Variants in CADPS2 observed in about 807,000 individuals in gnomAD.
CADPS2 encodes calcium dependent secretion activator 2.
A neutral mutation model predicts 172.5 loss-of-function variants in CADPS2; 93 were observed. The observed-to-expected ratio is 0.54, with a 90% CI of 0.46 to 0.64. The LOEUF is 0.64. Among genes scored for constraint, CADPS2 ranks in the 30% least tolerant of loss-of-function variants. The pLI is 0.00. For synonymous variants in CADPS2, 546 were observed against 555.2 expected, an observed-to-expected ratio of 0.98 and a Z score of 0.23; for missense variants, 1,420 against 1,565.9, an observed-to-expected ratio of 0.91 and a Z score of 1.57.
In CADPS2 at chr7:122,816,044, G is replaced by C. The variant is rs989109081; in HGVS notation, c.339+69955C>G. The stretch of plus-strand genomic sequence containing the variant: ...GGAATATTCCAATTCCACTGTTTTA[G>C]TTATGTTGAAATATACAATAAATTA... On this transcript the variant is annotated intron_variant, in intron 1 of 29. Transcript: ENST00000449022. Among the ~76,000 whole-genome samples the C allele has an allele frequency of 3.3e-5, 5 of 152,012 alleles. No individual in the cohort carries two copies. The South Asian group carries it at 6.2e-4, about 19-fold the overall frequency.
At chr7:122,707,332 T>C (rs2087739065) in intron 2 of CADPS2, among the ~76,000 whole-genome samples, 1 of 151,926 alleles carries the variant, frequency 6.6e-6, no homozygotes, top group Admixed American at 6.6e-5. Context: ...CAGGCGCCAA[T>C]TAAATTTTTT....
At chr7:122,513,699 C>T (rs1313520201) in intron 8 of CADPS2, among the ~76,000 whole-genome samples, 4 of 152,148 alleles carry the variant, frequency 2.6e-5, no homozygotes, top group Non-Finnish European at 5.9e-5. Flanking sequence ...CTGAGTAGTG[C>T]GCCCTGAGGA....
chr7:122,369,141 CCTTT>C (rs2041401953), intron 25 of CADPS2, among the ~76,000 whole-genome samples: 3 of 72,736 alleles, frequency 4.1e-5, no homozygotes, highest in Admixed American at 1.8e-4. Context: ...CCCCCCCCCC[CCTTT>C]TTTTTTTTTT....
chr7:122,396,366 C>T (rs938351619), intron 20 of CADPS2, among the ~76,000 whole-genome samples: 7 of 152,182 alleles, frequency 4.6e-5, no homozygotes, highest in African/African-American at 1.7e-4. Flanking sequence ...GCCCTCTCAT[C>T]TCCTGTCTTG....
At chr7:122,845,990 A>G (rs1811889991) in intron 1 of CADPS2, among the ~76,000 whole-genome samples, 1 of 152,218 alleles carries the variant, frequency 6.6e-6, no homozygotes, top group Non-Finnish European at 1.5e-5. Flanking sequence ...AGGAAAACTG[A>G]AGCATCTATG....
chr7:122,527,617 A>AGAGAGAGAGAGAGTGTGT, intron 8 of CADPS2, among the ~76,000 whole-genome samples: 947 of 83,764 alleles, frequency 0.011, 21 homozygotes, highest in Non-Finnish European at 0.019. Context: ...AGAGAGAGAG[A>AGAGAGAGAGAGAGTGTGT]GTGTGTGTGT....
At chr7:122,764,395 T>C (rs901945845) in intron 1 of CADPS2, among the ~76,000 whole-genome samples, 16 of 152,166 alleles carry the variant, frequency 1.1e-4, no homozygotes, top group Non-Finnish European at 2.2e-4. Flanking sequence ...ATCTGACAAA[T>C]AGATTTGTTC....
At chr7:122,869,392 G>A (rs1374958618) in intron 1 of CADPS2, among the ~76,000 whole-genome samples, 2 of 151,970 alleles carry the variant, frequency 1.3e-5, no homozygotes, top group African/African-American at 4.8e-5. Context: ...TTTTCCAAGA[G>A]AAACCCTGAA....
At chr7:122,653,876 TTCC>T (rs2079448698) in intron 3 of CADPS2, among the ~76,000 whole-genome samples, 1 of 152,138 alleles carries the variant, frequency 6.6e-6, no homozygotes, top group Admixed American at 6.6e-5. Context: ...GACCAGCCAC[TTCC>T]TCATTTCTTT....
At chr7:122,838,864 T>C (rs983411636) in intron 1 of CADPS2, among the ~76,000 whole-genome samples, 13 of 152,200 alleles carry the variant, frequency 8.5e-5, no homozygotes, top group Non-Finnish European at 2.9e-5. Flanking sequence ...CAAGGTAATT[T>C]ATAGATTCAA....
intron 3 of CADPS2, among the ~76,000 whole-genome samples, chr7:122,631,639 A>G (rs767420276): frequency 3.0e-4 from 45 of 152,270 alleles, no homozygotes; most frequent in Non-Finnish European, 4.0e-4. Flanking sequence ...AGTAAGCAAC[A>G]AAACAAAACA....
intron 8 of CADPS2, among the ~76,000 whole-genome samples, chr7:122,541,687 T>TTA (rs2062997630): frequency 6.8e-6 from 1 of 146,150 alleles, no homozygotes; most frequent in East Asian, 2.0e-4. Context: ...ATATATTTAT[T>TTA]CATATATGTT....
chr7:122,489,933 G>C lies in CADPS2; in HGVS notation c.1852+148C>G, dbSNP rs78925489. The C allele has an allele frequency of 0.01, 6,733 of 659,436 alleles. 283 individuals carry two copies. In the African/African-American group the frequency reaches 0.11, roughly 11 times the overall value. The allele number at this position is 659,436 out of a possible 1,614,324, so 40.8% of individuals were successfully genotyped here. ...CAGATTTATGTGAAAAATTAGATAA[G>C]TGATTATGTGACTACTAATATGAAC... On this transcript the variant is annotated intron_variant, in intron 11 of 29. Transcript: ENST00000449022.
chr7:122,383,508 T>C (rs1345194836), intron 24 of CADPS2, among the ~76,000 whole-genome samples: 2 of 152,040 alleles, frequency 1.3e-5, no homozygotes, highest in Non-Finnish European at 2.9e-5. Context: ...TCTTAGATTC[T>C]AGGGCTTTGT....
In CADPS2 at chr7:122,673,254, G is replaced by A. The variant is rs183926041; in HGVS notation, c.454-9685C>T. Among the ~76,000 whole-genome samples the A allele has an allele frequency of 3.9e-5, 6 of 152,338 alleles. No homozygotes were observed. The East Asian group carries it at 1.2e-3, about 29-fold the overall frequency. ...GGGAATGGGACCCCAGCCGGTTGCC[G>A]CAGCTGGCTCTGGCAGCCTGCTTTT... On this transcript the variant is annotated intron_variant, in intron 2 of 29. Transcript: ENST00000449022.
intron 15 of CADPS2, among the ~76,000 whole-genome samples, chr7:122,443,649 C>CT (rs756070436): frequency 0.017 from 855 of 49,732 alleles, 8 homozygotes; most frequent in Admixed American, 0.044. Flanking sequence ...CTTCTTTTAT[C>CT]TTTTTTTTTT....
intron 27 of CADPS2, among the ~76,000 whole-genome samples, chr7:122,350,674 G>A (rs2038410325): frequency 6.6e-6 from 1 of 152,112 alleles, no homozygotes; most frequent in African/African-American, 2.4e-5. Context: ...TAATAAATAT[G>A]ATGGGAAGAG....
chr7:122,379,799 A>G (rs912317965), intron 24 of CADPS2, among the ~76,000 whole-genome samples: 19 of 152,146 alleles, frequency 1.2e-4, no homozygotes, highest in Admixed American at 5.2e-4. Context: ...TGGAGAAGCA[A>G]AAAGACTAGA....
At chr7:122,866,886 A>C (rs2141398669) in intron 1 of CADPS2, among the ~76,000 whole-genome samples, 1 of 152,274 alleles carries the variant, frequency 6.6e-6, no homozygotes, top group South Asian at 2.1e-4. Context: ...AATTCATATA[A>C]GCTAGCCTCT....
Sources: gnomAD v4.1 joint callset for allele counts (sites outside exome capture counted in the v4.1 genomes callset) on GRCh38, gnomAD v4.1.1 for gene constraint, MANE v1.5 for transcripts, NCBI Gene and HGNC (gene_info 2026-07-23, HGNC 2026-07-21) for gene names.